Variants in SAMD5 observed in about 807,000 individuals in gnomAD.
SAMD5 encodes sterile alpha motif domain containing 5.
SAMD5 carries 13 observed loss-of-function variants against 11.3 expected under a neutral mutation model. The ratio of observed to expected loss-of-function variants is 1.15; its 90% CI spans 0.75 to 1.83. The LOEUF is 1.83. Ranked by LOEUF, SAMD5 falls within the 40% of genes most tolerant of loss-of-function variation. The pLI is 0.00. For missense variants in SAMD5, 255 were observed against 239.1 expected, an observed-to-expected ratio of 1.07 and a Z score of -0.44; for synonymous variants, 129 against 111.3, an observed-to-expected ratio of 1.16 and a Z score of -1.00.
At chr6:147,769,382 A>C in the SAMD5 span, among the ~76,000 whole-genome samples, 4 of 152,144 alleles carry the variant, frequency 2.6e-5, no homozygotes, top group South Asian at 6.2e-4. Context: ...TATACACCTT[A>C]AGCTTTTATA....
chr6:147,640,959 C>A (rs1298957402), intron 1 of SAMD5, among the ~76,000 whole-genome samples: 3 of 152,178 alleles, frequency 2.0e-5, no homozygotes, highest in Non-Finnish European at 4.4e-5. Flanking sequence ...CCTCAAAAAT[C>A]CCTTTGAAAA....
chr6:147,799,670 A>G, the SAMD5 span, among the ~76,000 whole-genome samples: 2 of 151,332 alleles, frequency 1.3e-5, no homozygotes, highest in African/African-American at 4.9e-5. Flanking sequence ...GTGTTTTCCA[A>G]CTTGGTTCCA....
At chr6:147,796,094 T>G in the SAMD5 span, among the ~76,000 whole-genome samples, 39 of 148,576 alleles carry the variant, frequency 2.6e-4, no homozygotes, top group South Asian at 1.9e-3. Flanking sequence ...GTCAATTTTG[T>G]CTTTTGTTGC....
At chr6:147,533,818 A>G (rs573741677) in intron 1 of SAMD5, among the ~76,000 whole-genome samples, 1 of 152,300 alleles carries the variant, frequency 6.6e-6, no homozygotes, top group East Asian at 1.9e-4. Flanking sequence ...GGGGGACTTT[A>G]GTCTTTTTCT....
At chr6:147,738,749 C>T (rs1791839918), downstream of SAMD5, among the ~76,000 whole-genome samples, 1 of 152,206 alleles carries the variant, frequency 6.6e-6, no homozygotes, top group African/African-American at 2.4e-5. Flanking sequence ...AGCTCAGAGA[C>T]CTGTCTGGCC....
chr6:147,629,814 C>CA (rs773256987), intron 1 of SAMD5, among the ~76,000 whole-genome samples: 15 of 152,164 alleles, frequency 9.9e-5, no homozygotes, highest in Non-Finnish European at 2.1e-4. Flanking sequence ...CTCTTCCTTC[C>CA]AGCTTCGAGT....
At chr6:147,612,434 G>T (rs1789801441) in intron 1 of SAMD5, among the ~76,000 whole-genome samples, 2 of 151,964 alleles carry the variant, frequency 1.3e-5, no homozygotes, top group African/African-American at 2.4e-5. Flanking sequence ...TATTGCCTCT[G>T]ATTTAAAAAC....
chr6:147,634,377 AACTC>A (rs1216527044), intron 1 of SAMD5, among the ~76,000 whole-genome samples: 2 of 152,100 alleles, frequency 1.3e-5, no homozygotes, highest in African/African-American at 4.8e-5. Flanking sequence ...ATCTCATGAG[AACTC>A]ACTCACTGTC....
At chr6:147,548,072 C>T (rs548662023) in intron 1 of SAMD5, among the ~76,000 whole-genome samples, 10 of 152,096 alleles carry the variant, frequency 6.6e-5, no homozygotes, top group East Asian at 3.9e-4. Context: ...TTAAGAACAG[C>T]ACTCATAAAA....
downstream of SAMD5, among the ~76,000 whole-genome samples, chr6:147,738,725 A>G (rs2128460581): frequency 6.6e-6 from 1 of 152,316 alleles, no homozygotes; most frequent in African/African-American, 2.4e-5. Flanking sequence ...CCTGGGATGA[A>G]AAACCATAAA....
chr6:147,754,201 C>T, the SAMD5 span, among the ~76,000 whole-genome samples: 47 of 152,158 alleles, frequency 3.1e-4, no homozygotes, highest in Non-Finnish European at 4.7e-4. Context: ...TCCACATCCT[C>T]ACCAGCATTT....
At chr6:147,528,396 T>G (rs1371538270) in intron 1 of SAMD5, among the ~76,000 whole-genome samples, 1 of 152,180 alleles carries the variant, frequency 6.6e-6, no homozygotes, top group Non-Finnish European at 1.5e-5. Context: ...TCTTACTGTG[T>G]CCTCACGTGG....
intron 1 of SAMD5, among the ~76,000 whole-genome samples, chr6:147,542,773 T>G (rs746182256): frequency 1.3e-5 from 2 of 152,182 alleles, no homozygotes; most frequent in Non-Finnish European, 2.9e-5. Context: ...TCCTAAACCA[T>G]AATTTTTAAT....
chr6:147,920,885 A>G, the SAMD5 span, among the ~76,000 whole-genome samples: 1 of 152,216 alleles, frequency 6.6e-6, no homozygotes, highest in African/African-American at 2.4e-5. Flanking sequence ...AAAATTCTCT[A>G]GAACTAAAAT....
rs74449973 is a variant in SAMD5 at position 147,697,255 on chromosome 6, C to T, written c.163-40062C>T. On this transcript the variant is annotated intron_variant, in intron 1 of 1. Coordinates refer to the SAMD5 transcript ENST00000566741. The stretch of plus-strand genomic sequence containing the variant: ...AGCCAAGGAGATGGGAGCTCAGTCT[C>T]AAATCCATCTAGATTCATGGATTCT... 3.7e-3 allele frequency among the ~76,000 whole-genome samples: 569 copies of T among 152,296 alleles called. 14 individuals carry two copies. The East Asian group carries it at 0.063, about 17-fold the overall frequency.
At chr6:147,712,306 T>G (rs1055027162) in intron 1 of SAMD5, among the ~76,000 whole-genome samples, 9 of 152,212 alleles carry the variant, frequency 5.9e-5, no homozygotes, top group African/African-American at 1.9e-4. Flanking sequence ...CAAATGGATA[T>G]AGAAAAACAA....
At chr6:147,606,596 G>A (rs1187525328) in intron 1 of SAMD5, among the ~76,000 whole-genome samples, 1 of 151,542 alleles carries the variant, frequency 6.6e-6, no homozygotes, top group Admixed American at 6.6e-5. Flanking sequence ...TTTTTAAATA[G>A]AGTCTAGATA....
intron 1 of SAMD5, among the ~76,000 whole-genome samples, chr6:147,691,995 C>CACACACA (rs34208483): frequency 3.4e-5 from 5 of 148,878 alleles, no homozygotes; most frequent in African/African-American, 1.2e-4. Context: ...ACACACACAC[C>CACACACA]CCCCTGATTG....
rs1040668081 is a variant in SAMD5 at position 147,723,756 on chromosome 6, C to T, written c.163-13561C>T. 2.6e-5 allele frequency among the ~76,000 whole-genome samples: 4 copies of T among 152,156 alleles called. No homozygotes were observed. The South Asian group carries it at 8.3e-4, about 31-fold the overall frequency. Reference sequence around the variant, plus strand: ...CCAACAGCAGAACAGTTTATGTAGCCCATCTTTCCTTGGAGGGAACTGCTG... The same window carrying T: ...CCAACAGCAGAACAGTTTATGTAGCTCATCTTTCCTTGGAGGGAACTGCTG... On this transcript the variant is annotated intron_variant, in intron 1 of 1. Transcript: ENST00000566741.
Sources: gnomAD v4.1 joint callset for allele counts (sites outside exome capture counted in the v4.1 genomes callset) on GRCh38, gnomAD v4.1.1 for gene constraint, MANE v1.5 for transcripts, NCBI Gene and HGNC (gene_info 2026-07-23, HGNC 2026-07-21) for gene names.